The following ELMO1 variants were observed in gnomAD, a reference collection of about 807,000 sequenced individuals.
ELMO1 encodes the protein engulfment and cell motility protein 1.
A neutral mutation model predicts 98.9 loss-of-function variants in ELMO1; 26 were observed. The observed-to-expected ratio is 0.26, with a 90% CI of 0.19 to 0.36. ELMO1 has a LOEUF of 0.36. Among genes scored for constraint, ELMO1 ranks in the 10% least tolerant of loss-of-function variants. The pLI is 1.00. For synonymous variants in ELMO1, 346 were observed against 346.0 expected (o/e 1.00, Z 0.00); for missense variants, 627 against 935.2 (o/e 0.67, Z 4.30).
intron 13 of ELMO1, among the ~76,000 whole-genome samples, chr7:37,191,240 C>T (rs866160483): frequency 2.8e-5 from 4 of 141,870 alleles, no homozygotes; most frequent in African/African-American, 1.0e-4. Flanking sequence ...TACATCAAAA[C>T]TACAAAACTA....
In ELMO1 at chr7:37,375,853, A is replaced by G. The variant is rs1036803000; in HGVS notation, c.-73-33090T>C. On this transcript the variant is annotated intron_variant, in intron 1 of 21. Transcript: ENST00000310758. ...CAGGCCTCGGCCTAAAGGTCTGGAG[A>G]CTGAGCAACCTGCAAGACTCACAAG... The G allele has an allele frequency of 1.9e-5, 14 of 720,696 alleles. No individual in the cohort carries two copies. The African/African-American group carries it at 2.3e-4, about 12-fold the overall frequency. 44.6% of individuals were successfully genotyped at this position (720,696 alleles called of 1,614,324 possible). A position where few individuals can be genotyped will look rare whatever the true frequency, so the allele number is the denominator to read the frequency against.
At chr7:36,941,462 A>T (rs1246764787) in intron 16 of ELMO1, among the ~76,000 whole-genome samples, 1 of 152,246 alleles carries the variant, frequency 6.6e-6, no homozygotes, top group South Asian at 2.1e-4. Context: ...TCTATGATGT[A>T]ATGTTTTGAG....
intron 10 of ELMO1, among the ~76,000 whole-genome samples, chr7:37,221,705 C>CTTTTCTTT (rs139631382): frequency 8.0e-5 from 12 of 149,954 alleles, no homozygotes; most frequent in African/African-American, 7.4e-5. Flanking sequence ...CTTTTTTTTT[C>CTTTTCTTT]TTTTTTTTAA....
intron 16 of ELMO1, among the ~76,000 whole-genome samples, chr7:36,906,528 G>C (rs575758323): frequency 9.4e-4 from 143 of 152,228 alleles, no homozygotes; most frequent in African/African-American, 3.3e-3. Context: ...GCCTATATTC[G>C]CTCAGCTAAC....
chr7:37,261,408 T>C (rs1005665100), intron 5 of ELMO1, among the ~76,000 whole-genome samples: 1 of 152,208 alleles, frequency 6.6e-6, no homozygotes, highest in African/African-American at 2.4e-5. Context: ...GACTTCTTAA[T>C]ACACAGACCA....
At chr7:37,258,718 G>A (rs772298388) in intron 6 of ELMO1, among the ~76,000 whole-genome samples, 11 of 152,008 alleles carry the variant, frequency 7.2e-5, no homozygotes, top group South Asian at 2.1e-4. Flanking sequence ...ATTATATCTT[G>A]ACCTGGTTTT....
intron 15 of ELMO1, among the ~76,000 whole-genome samples, chr7:37,081,949 A>C (rs986700113): frequency 6.6e-6 from 1 of 152,244 alleles, no homozygotes; most frequent in Non-Finnish European, 1.5e-5. Context: ...TGGGAAAATA[A>C]GTCAGTGCAT....
intron 13 of ELMO1, among the ~76,000 whole-genome samples, chr7:37,176,982 T>G (rs1164428797): frequency 6.6e-6 from 1 of 152,196 alleles, no homozygotes; most frequent in East Asian, 1.9e-4. Context: ...TAGGAAGGAC[T>G]GTAGATGTAT....
At chr7:36,896,582 T>C (rs1806015474) in intron 16 of ELMO1, among the ~76,000 whole-genome samples, 1 of 152,204 alleles carries the variant, frequency 6.6e-6, no homozygotes, top group African/African-American at 2.4e-5. Flanking sequence ...GCATCTGAAT[T>C]GGAACGAACT....
intron 14 of ELMO1, among the ~76,000 whole-genome samples, chr7:37,107,314 A>G (rs571514779): frequency 6.6e-6 from 1 of 152,290 alleles, no homozygotes; most frequent in African/African-American, 2.4e-5. Flanking sequence ...TGCACATGAG[A>G]TGCAATGGGC....
chr7:37,203,776 C>T (rs966348709), intron 13 of ELMO1, among the ~76,000 whole-genome samples: 4 of 151,616 alleles, frequency 2.6e-5, no homozygotes, highest in African/African-American at 9.7e-5. Flanking sequence ...TCTGCTTGGA[C>T]GACATGCCTT....
chr7:37,067,058 T>A (rs1210597028), intron 15 of ELMO1, among the ~76,000 whole-genome samples: 1 of 152,204 alleles, frequency 6.6e-6, no homozygotes, highest in African/African-American at 2.4e-5. Context: ...TTTTACAGAC[T>A]GAATTTATGA....
At chr7:37,368,984 G>C (rs551430197) in intron 1 of ELMO1, among the ~76,000 whole-genome samples, 1 of 152,140 alleles carries the variant, frequency 6.6e-6, no homozygotes, top group Non-Finnish European at 1.5e-5. Flanking sequence ...GGAGATGAAG[G>C]GAGAAGCTTT....
chr7:37,241,391 C>T (rs1391762600), intron 7 of ELMO1, among the ~76,000 whole-genome samples: 3 of 151,922 alleles, frequency 2.0e-5, no homozygotes, highest in South Asian at 2.1e-4. Context: ...TACATGTGCC[C>T]TTGTCTTTAT....
chr7:37,447,714 C>CCACCCACACA (rs1323474343), intron 1 of ELMO1, among the ~76,000 whole-genome samples: 1 of 132,140 alleles, frequency 7.6e-6, no homozygotes, highest in African/African-American at 3.1e-5. Context: ...CGCGCACACA[C>CCACCCACACA]CACACACACA....
intron 1 of ELMO1, among the ~76,000 whole-genome samples, chr7:37,427,346 C>T (rs562492309): frequency 6.6e-6 from 1 of 152,348 alleles, no homozygotes; most frequent in South Asian, 2.1e-4. Context: ...AAAGCCATTG[C>T]TCTCCCTCCA....
At chr7:36,911,638 A>G (rs887719951) in intron 16 of ELMO1, among the ~76,000 whole-genome samples, 10 of 152,324 alleles carry the variant, frequency 6.6e-5, no homozygotes, top group African/African-American at 2.4e-4. Context: ...CATGGGTAAC[A>G]TACCTTAGAC....
chr7:37,278,196 G>A (rs2245990), intron 4 of ELMO1, among the ~76,000 whole-genome samples: 147,317 of 148,046 alleles, frequency 1, 73,299 homozygotes, highest in East Asian at 1. Flanking sequence ...ACTTCACTAG[G>A]CTACAGTTTC....
In ELMO1 at chr7:37,062,066, G is replaced by T. The variant is rs190203909; in HGVS notation, c.1300+34553C>A. ...CAGCATCCTGTAATTACCCCTAAAGGCCATTTGATTTGATAATATATTCAC... is the reference window on the plus strand; with the variant it reads ...CAGCATCCTGTAATTACCCCTAAAGTCCATTTGATTTGATAATATATTCAC... On this transcript the variant is annotated intron_variant, in intron 15 of 21. Coordinates refer to ENST00000310758, the MANE Select transcript of ELMO1 (RefSeq NM_014800.11). Among the ~76,000 whole-genome samples, 62 of 152,164 alleles carry T rather than the reference G, an allele frequency of 4.1e-4. 1 individual carries two copies. Among genetic ancestry groups the T allele is most frequent in the Admixed American group, 3.5e-3 (53 of 15,296 alleles).
Sources: allele counts gnomAD v4.1 joint callset (sites outside exome capture counted in the v4.1 genomes callset), GRCh38; gene constraint gnomAD v4.1.1; transcripts MANE v1.5; gene names NCBI Gene and HGNC (gene_info 2026-07-23, HGNC 2026-07-21).